Variants in HOXB9 observed in about 807,000 individuals in gnomAD.
HOXB9 encodes homeobox protein Hox-B9.
Under a neutral mutation model 21.5 loss-of-function variants are expected in HOXB9, and 10 were observed. The ratio of observed to expected loss-of-function variants is 0.47; its 90% CI spans 0.29 to 0.79. The LOEUF (loss-of-function observed/expected upper bound fraction) is 0.79. Ranked by LOEUF, HOXB9 falls within the 30% of genes least tolerant of loss-of-function variation. The pLI is 0.10. For synonymous variants in HOXB9, 156 were observed against 151.2 expected (o/e 1.03, Z -0.23); for missense variants, 375 against 338.7 (o/e 1.11, Z -0.84).
At chr17:48,625,509 C>T (rs1251131368) in intron 1 of HOXB9, among the ~76,000 whole-genome samples, 2 of 152,232 alleles carry the variant, frequency 1.3e-5, no homozygotes, top group Non-Finnish European at 2.9e-5. Context: ...GATCCCCGAG[C>T]CCCTGTTCCC....
At position 48,622,771 on chromosome 17, in the gene HOXB9, G is replaced by C. The variant is rs2070780915; in HGVS notation, c.*129C>G. ...GAGGGAGGTTCTAGGTGCAGATAAA[G>C]GACTTGGAAGAGAGACTCCCTTCCC... On this transcript the variant is annotated 3_prime_UTR_variant, in exon 2 of 2. Coordinates refer to ENST00000311177, the MANE Select transcript of HOXB9 (RefSeq NM_024017.5). 1.5e-6 allele frequency: 1 copy of C among 666,942 alleles called. No individual in the cohort carries two copies. The highest frequency in any genetic ancestry group is 1.8e-5 in the African/African-American group (1 of 55,420). 41.3% of individuals were successfully genotyped at this position (666,942 alleles called of 1,614,324 possible). A position where few individuals can be genotyped will look rare whatever the true frequency, so the allele number is the denominator to read the frequency against.
In HOXB9 at chr17:48,623,183, G is replaced by A. The variant is rs374641819; in HGVS notation, c.518-48C>T. 1.8e-4 allele frequency: 262 copies of A among 1,484,222 alleles called. 4 individuals are homozygous for A. The East Asian group carries it at 3.3e-3, about 18-fold the overall frequency. 91.9% of individuals were successfully genotyped at this position (1,484,222 alleles called of 1,614,324 possible). ...ATCAAAGAAAGGAAGGGGGTGAAGG[G>A]CCCCAGATCAAGAGGGCACTCCCTT... On this transcript the variant is annotated intron_variant, in intron 1 of 1. Transcript: ENST00000311177.
At chr17:48,623,186 C>T (rs1350442951) in intron 1 of HOXB9, 51 bp from the exon 2 acceptor site, 2 of 1,470,230 alleles carry the variant, frequency 1.4e-6, no homozygotes, top group Non-Finnish European at 1.9e-6. Context: ...GTGAAGGGCC[C>T]CAGATCAAGA....
In HOXB9 at chr17:48,622,698, C is replaced by T. The variant is rs1344116604; in HGVS notation, c.*202G>A. 12 of 517,678 alleles carry T rather than the reference C, an allele frequency of 2.3e-5. No homozygotes were observed. Among genetic ancestry groups the T allele is most frequent in the Non-Finnish European group, 3.8e-5 (11 of 292,178 alleles). 32.1% of individuals were successfully genotyped at this position (517,678 alleles called of 1,614,324 possible). ...CTATCTTCTAAATCAACAAAACTTTCTCCTGACACCTAGAGAGAAGAGAGA... is the reference window on the plus strand; with the variant it reads ...CTATCTTCTAAATCAACAAAACTTTTTCCTGACACCTAGAGAGAAGAGAGA... On this transcript the variant is annotated 3_prime_UTR_variant, in exon 2 of 2. Coordinates refer to ENST00000311177, the MANE Select transcript of HOXB9 (RefSeq NM_024017.5).
At chr17:48,625,639 C>T (rs2070806105) in intron 1 of HOXB9, 114 bp downstream of exon 1, 2 of 1,300,328 alleles carry the variant, frequency 1.5e-6, no homozygotes, top group Non-Finnish European at 1.0e-6. Context: ...TCCCGGCCCG[C>T]TCTCCGGCCA....
rs1223701954 is a variant in HOXB9 at position 48,621,994 on chromosome 17, G to A, written c.*906C>T. 1.3e-5 allele frequency: 2 copies of A among 152,278 alleles called. No individual in the cohort carries two copies. The highest frequency in any genetic ancestry group is 3.8e-4 in the East Asian group (2 of 5,198). The allele number at this position is 152,278 out of a possible 1,614,324, so 9.4% of individuals were successfully genotyped here. On this transcript the variant is annotated 3_prime_UTR_variant, in exon 2 of 2. Transcript: ENST00000311177. ...CAAGAGAAGCTACAGTCTGTCAAGT[G>A]GTGCACAGATGAACAGGAGGACAAC... is the stretch of plus-strand genomic sequence containing the variant.
At position 48,621,230 on chromosome 17, in the gene HOXB9, G is replaced by A. The variant is rs952780597; in HGVS notation, c.*1670C>T. The A allele has an allele frequency of 1.3e-5, 2 of 152,050 alleles. No homozygotes were observed. Among genetic ancestry groups the A allele is most frequent in the African/African-American group, 2.4e-5 (1 of 41,184 alleles). 9.4% of individuals were successfully genotyped at this position (152,050 alleles called of 1,614,324 possible). ...CCAAAACAAACAATTAGAGCTCTAG[G>A]CCCCTCGCCCTCCCCACTCCCACCC... On this transcript the variant is annotated 3_prime_UTR_variant, in exon 2 of 2. Transcript: ENST00000311177.
chr17:48,622,750 G>C lies in HOXB9; in HGVS notation c.*150C>G, dbSNP rs2070780716. Reference sequence around the variant, plus strand: ...ACAGGTAAGGGCAAAGGAAAGGAGGGAGGTTCTAGGTGCAGATAAAGGACT... The same window carrying C: ...ACAGGTAAGGGCAAAGGAAAGGAGGCAGGTTCTAGGTGCAGATAAAGGACT... On this transcript the variant is annotated 3_prime_UTR_variant, in exon 2 of 2. Transcript: ENST00000311177. 1.6e-6 allele frequency: 1 copy of C among 611,060 alleles called. No homozygotes were observed. Among genetic ancestry groups the C allele is most frequent in the Non-Finnish European group, 2.9e-6 (1 of 346,152 alleles). 37.9% of individuals were successfully genotyped at this position (611,060 alleles called of 1,614,324 possible). A position where few individuals can be genotyped will look rare whatever the true frequency, so the allele number is the denominator to read the frequency against.
At position 48,622,757 on chromosome 17, in the gene HOXB9, T is replaced by C; in HGVS notation, c.*143A>G. 1.6e-6 allele frequency: 1 copy of C among 626,030 alleles called. No homozygotes were observed. The highest frequency in any genetic ancestry group is 2.0e-5 in the South Asian group (1 of 50,536). The allele number at this position is 626,030 out of a possible 1,614,324, so 38.8% of individuals were successfully genotyped here. A position where few individuals can be genotyped will look rare whatever the true frequency, so the allele number is the denominator to read the frequency against. On this transcript the variant is annotated 3_prime_UTR_variant, in exon 2 of 2. Transcript: ENST00000311177. ...AGGGCAAAGGAAAGGAGGGAGGTTCTAGGTGCAGATAAAGGACTTGGAAGA... is the reference window on the plus strand; with the variant it reads ...AGGGCAAAGGAAAGGAGGGAGGTTCCAGGTGCAGATAAAGGACTTGGAAGA...
In HOXB9 at chr17:48,621,736, C is replaced by T. The variant is rs1315610815; in HGVS notation, c.*1164G>A. The T allele has an allele frequency of 6.6e-6, 1 of 152,326 alleles. No individual in the cohort carries two copies. Among genetic ancestry groups the T allele is most frequent in the Admixed American group, 6.5e-5 (1 of 15,292 alleles). 9.4% of individuals were successfully genotyped at this position (152,326 alleles called of 1,614,324 possible). The stretch of plus-strand genomic sequence containing the variant: ...CGCTGGGGCCGTTGCTCCTCCCTGT[C>T]CCAGACCACTTGTCCCGGAAGGGAG... On this transcript the variant is annotated 3_prime_UTR_variant, in exon 2 of 2. Coordinates refer to ENST00000311177, the MANE Select transcript of HOXB9 (RefSeq NM_024017.5).
chr17:48,625,890 TC>T lies in HOXB9; in HGVS notation c.379del (p.Glu127SerfsTer74). Reference sequence around the variant, plus strand: ...CTCGGGCGTGCCCTGTTTGAGCAGCTCCCCAGGCGCGCCCAGCAGCGGCTCC... The same window carrying T: ...CTCGGGCGTGCCCTGTTTGAGCAGCTCCCAGGCGCGCCCAGCAGCGGCTCC... Reference protein sequence around the residue: ...KAEPLLGAPGELLKQGTPEYS... With the variant: ...KAEPLLGAPGXLLKQGTPEYS... On this transcript the variant is annotated frameshift_variant, in exon 1 of 2. Coordinates refer to ENST00000311177, the MANE Select transcript of HOXB9 (RefSeq NM_024017.5). LOFTEE classifies it high-confidence loss of function. 2 of 1,599,040 alleles carry T rather than the reference TC, an allele frequency of 1.3e-6. No homozygotes were observed. The highest frequency in any genetic ancestry group is 1.7e-6 in the Non-Finnish European group (2 of 1,174,790).
chr17:48,626,069 G>C lies in HOXB9; in HGVS notation c.201C>G (p.Ser67Arg). ...PVFGASWAPL[S>R]PHASGSLPSV... ...ACGGCAGGCTCCCGGACGCGTGCGGGCTCAGCGGCGCCCAGGAGGCGCCGA... is the reference window on the plus strand; with the variant it reads ...ACGGCAGGCTCCCGGACGCGTGCGGCCTCAGCGGCGCCCAGGAGGCGCCGA... Residue 67 changes from serine to arginine, a missense_variant, in exon 1 of 2, where the codon AGC becomes AGG. Ser to Arg is a moderately radical substitution (Grantham distance 110). Coordinates refer to ENST00000311177, the MANE Select transcript of HOXB9 (RefSeq NM_024017.5). 1 of 1,577,214 alleles carries C rather than the reference G, an allele frequency of 6.3e-7. No homozygotes were observed. Among genetic ancestry groups the C allele is most frequent in the Non-Finnish European group, 8.6e-7 (1 of 1,168,676 alleles).
rs1417700831 is a variant in HOXB9 at position 48,622,099 on chromosome 17, C to G, written c.*801G>C. ...AAACATCATGCGGAATTAAACATTT[C>G]CTGCAACAAAATGTATATGTTGGTG... On this transcript the variant is annotated 3_prime_UTR_variant, in exon 2 of 2. Transcript: ENST00000311177. The G allele has an allele frequency of 6.6e-6, 1 of 152,238 alleles. No homozygotes were observed. The highest frequency in any genetic ancestry group is 2.4e-5 in the African/African-American group (1 of 41,448). The allele number at this position is 152,238 out of a possible 1,614,324, so 9.4% of individuals were successfully genotyped here. A position where few individuals can be genotyped will look rare whatever the true frequency, so the allele number is the denominator to read the frequency against.
At chr17:48,623,552 G>A (rs896614018) in intron 1 of HOXB9, among the ~76,000 whole-genome samples, 3 of 152,156 alleles carry the variant, frequency 2.0e-5, no homozygotes, top group African/African-American at 4.8e-5. Context: ...AGTTGGGTGG[G>A]GAAGTGAGAT....
rs1181452916 is a variant in HOXB9 at position 48,622,095 on chromosome 17, A to AT, written c.*804dup. 1 of 152,232 alleles carries AT rather than the reference A, an allele frequency of 6.6e-6. No individual in the cohort carries two copies. The highest frequency in any genetic ancestry group is 6.5e-5 in the Admixed American group (1 of 15,290). The allele number at this position is 152,232 out of a possible 1,614,324, so 9.4% of individuals were successfully genotyped here. ...AGGGAAACATCATGCGGAATTAAAC[A>AT]TTTCCTGCAACAAAATGTATATGTT... is the stretch of plus-strand genomic sequence containing the variant. On this transcript the variant is annotated 3_prime_UTR_variant, in exon 2 of 2. Coordinates refer to ENST00000311177, the MANE Select transcript of HOXB9 (RefSeq NM_024017.5).
At position 48,626,341 on chromosome 17, in the gene HOXB9, T is replaced by G; in HGVS notation, c.-72A>C. 6.7e-7 allele frequency: 1 copy of G among 1,488,940 alleles called. No individual in the cohort carries two copies. The allele number at this position is 1,488,940 out of a possible 1,614,324, so 92.2% of individuals were successfully genotyped here. A position where few individuals can be genotyped will look rare whatever the true frequency, so the allele number is the denominator to read the frequency against. The stretch of plus-strand genomic sequence containing the variant: ...GCGGCGGCGCCCAAGCAGGGAGAGG[T>G]GGCACCCGGACCGGTGTGAGGGCTT... On this transcript the variant is annotated 5_prime_UTR_variant, in exon 1 of 2. Transcript: ENST00000311177.
Position 48,625,749 on chromosome 17 carries a change from T to C in HOXB9, c.517+4A>G. 1 of 1,562,424 alleles carries C rather than the reference T, an allele frequency of 6.4e-7. No homozygotes were observed. Among genetic ancestry groups the C allele is most frequent in the Non-Finnish European group, 8.7e-7 (1 of 1,154,398 alleles). ...TGGGTATTTCCTCACTTTTTATAAC[T>C]TACTTTGATCCGGCCTCTCTTTGTC... On this transcript the variant is annotated splice_donor_region_variant and intron_variant, in intron 1 of 1. Transcript: ENST00000311177.
chr17:48,626,011 C>G lies in HOXB9; in HGVS notation c.259G>C (p.Val87Leu). 6.4e-7 allele frequency: 1 copy of G among 1,565,484 alleles called. No homozygotes were observed. Among genetic ancestry groups the G allele is most frequent in the South Asian group, 1.2e-5 (1 of 86,368 alleles). ...AGGTACCTGCTCTCGGCCGGCGGGA[C>G]GCCCTGGGGCTGGATGTAAGGGTGG... ...VYHPYIQPQG[V>L]PPAESRYLRT... Residue 87 changes from valine (V) to leucine (L), a missense_variant, in exon 1 of 2, where the codon GTC becomes CTC. Physicochemically the swap from Val to Leu is conservative, Grantham distance 32 (BLOSUM62 1). Transcript: ENST00000311177.
chr17:48,622,781 G>T lies in HOXB9; in HGVS notation c.*119C>A. 1 of 713,762 alleles carries T rather than the reference G, an allele frequency of 1.4e-6. No individual in the cohort carries two copies. The highest frequency in any genetic ancestry group is 2.4e-6 in the Non-Finnish European group (1 of 424,832). 44.2% of individuals were successfully genotyped at this position (713,762 alleles called of 1,614,324 possible). The stretch of plus-strand genomic sequence containing the variant: ...CTAGGTGCAGATAAAGGACTTGGAA[G>T]AGAGACTCCCTTCCCCATTCACTTG... On this transcript the variant is annotated 3_prime_UTR_variant, in exon 2 of 2. Coordinates refer to ENST00000311177, the MANE Select transcript of HOXB9 (RefSeq NM_024017.5).
Sources: gnomAD v4.1 joint callset for allele counts (sites outside exome capture counted in the v4.1 genomes callset) on GRCh38, gnomAD v4.1.1 for gene constraint, MANE v1.5 for transcripts, NCBI Gene and HGNC (gene_info 2026-07-23, HGNC 2026-07-21) for gene names.